Variants in BMERB1 observed in about 807,000 individuals in gnomAD.
BMERB1 encodes the protein bMERB domain containing 1, also known as bMERB domain-containing protein 1.
Under a neutral mutation model 23.6 loss-of-function variants are expected in BMERB1, and 12 were observed. That is an observed-to-expected ratio of 0.51 (90% CI 0.33 to 0.82). BMERB1 has a LOEUF of 0.82. Ranked by LOEUF, BMERB1 falls within the 40% of genes least tolerant of loss-of-function variation. The pLI is 0.03. For missense variants in BMERB1, 247 were observed against 255.4 expected (o/e 0.97, Z 0.22); for synonymous variants, 122 against 96.6 (o/e 1.26, Z -1.54).
intron 2 of BMERB1, among the ~76,000 whole-genome samples, chr16:15,552,475 T>C: frequency 6.6e-6 from 1 of 151,810 alleles, no homozygotes; most frequent in Non-Finnish European, 1.5e-5. Context: ...AGAAATGAAC[T>C]CACAACACTT....
At chr16:15,517,772 G>GTGTGGA (rs1376551250) in intron 2 of BMERB1, among the ~76,000 whole-genome samples, 2 of 148,638 alleles carry the variant, frequency 1.3e-5, no homozygotes, top group Admixed American at 6.6e-5. Flanking sequence ...GTGTGGATGT[G>GTGTGGA]TGTGGATGTG....
rs2030612592 is a variant in BMERB1 at position 15,567,674 on chromosome 16, A to G, written c.231-309A>G. On this transcript the variant is annotated intron_variant, in intron 2 of 5. Transcript: ENST00000300006. ...GTTACTTGGGAGGCTGAGGCAGGAGAATCGCTTGAACCCGGAAGGTGGAGG... is the reference window on the plus strand; with the variant it reads ...GTTACTTGGGAGGCTGAGGCAGGAGGATCGCTTGAACCCGGAAGGTGGAGG... Among the ~76,000 whole-genome samples, 4 of 152,114 alleles carry G rather than the reference A, an allele frequency of 2.6e-5. 1 individual carries two copies. Among genetic ancestry groups the G allele is most frequent in the Admixed American group, 2.6e-4 (4 of 15,272 alleles).
At chr16:15,516,896 A>C (rs1012805570) in intron 2 of BMERB1, among the ~76,000 whole-genome samples, 4 of 152,178 alleles carry the variant, frequency 2.6e-5, no homozygotes, top group Admixed American at 1.3e-4. Flanking sequence ...TCCAGGGTGG[A>C]ATGCAGTGAG....
At chr16:15,477,195 A>C (rs2051281712) in intron 1 of BMERB1, among the ~76,000 whole-genome samples, 1 of 152,062 alleles carries the variant, frequency 6.6e-6, no homozygotes, top group African/African-American at 2.4e-5. Context: ...GAAACTTAGA[A>C]TTGTGTGTGG....
chr16:15,463,552 C>T (rs953484412), intron 1 of BMERB1, among the ~76,000 whole-genome samples: 1 of 152,176 alleles, frequency 6.6e-6, no homozygotes, highest in African/African-American at 2.4e-5. Flanking sequence ...CCTTCCCTTG[C>T]CTCGTCGTTT....
chr16:15,468,135 C>CTTTTTTTTTTTTTTTTTTTTTTTTTTT (rs749534588), intron 1 of BMERB1, among the ~76,000 whole-genome samples: 1 of 31,018 alleles, frequency 3.2e-5, no homozygotes, highest in African/African-American at 8.6e-5. Context: ...CTTTCTTCTT[C>CTTTTTTTTTTTTTTTTTTTTTTTTTTT]TTTTTTTTTT....
At chr16:15,532,909 C>A in intron 2 of BMERB1, 1 of 434,806 alleles carries the variant, frequency 2.3e-6, no homozygotes, top group Non-Finnish European at 4.6e-6. Flanking sequence ...GATAAATAGA[C>A]CTCGTGCCTG....
At chr16:15,463,383 A>G (rs771437181) in intron 1 of BMERB1, among the ~76,000 whole-genome samples, 44 of 152,094 alleles carry the variant, frequency 2.9e-4, no homozygotes, top group Non-Finnish European at 5.0e-4. Flanking sequence ...CATAAGCTAC[A>G]TCACCTGGCC....
At chr16:15,553,750 G>T (rs2030161835) in intron 2 of BMERB1, among the ~76,000 whole-genome samples, 1 of 152,178 alleles carries the variant, frequency 6.6e-6, no homozygotes, top group Non-Finnish European at 1.5e-5. Flanking sequence ...GATTTTGACT[G>T]TGGGCTATAG....
chr16:15,584,114 T>G, intron 5 of BMERB1: 1 of 699,718 alleles, frequency 1.4e-6, no homozygotes, highest in Non-Finnish European at 2.6e-6. Flanking sequence ...AAATGCTGTT[T>G]ACTTGACCCT....
intron 2 of BMERB1, among the ~76,000 whole-genome samples, chr16:15,540,715 AC>A (rs1435425283): frequency 6.6e-6 from 1 of 152,178 alleles, no homozygotes; most frequent in East Asian, 1.9e-4. Flanking sequence ...GAGGCAGCAC[AC>A]GTAGCAGTTA....
intron 1 of BMERB1, among the ~76,000 whole-genome samples, chr16:15,493,249 G>A (rs1418415186): frequency 6.6e-6 from 1 of 152,036 alleles, no homozygotes; most frequent in Non-Finnish European, 1.5e-5. Flanking sequence ...CTACTCGGGA[G>A]GCTGAGGCAG....
At chr16:15,558,664 C>G (rs1179503770) in intron 2 of BMERB1, among the ~76,000 whole-genome samples, 1 of 151,866 alleles carries the variant, frequency 6.6e-6, no homozygotes, top group Admixed American at 6.6e-5. Flanking sequence ...TGACATATGA[C>G]ATATATGTAC....
At chr16:15,444,129 T>TTTTTTTTG (rs1567447908) in intron 1 of BMERB1, among the ~76,000 whole-genome samples, 2 of 106,452 alleles carry the variant, frequency 1.9e-5, no homozygotes, top group Admixed American at 9.4e-5. Flanking sequence ...CTTTGTTTTT[T>TTTTTTTTG]TTTTTTTTTT....
intron 1 of BMERB1, among the ~76,000 whole-genome samples, chr16:15,480,677 G>A (rs868775618): frequency 7.9e-6 from 1 of 126,018 alleles, no homozygotes; most frequent in Non-Finnish European, 1.6e-5. Context: ...GCAGTGGCAC[G>A]ATCTCGGCTC....
intron 3 of BMERB1, among the ~76,000 whole-genome samples, chr16:15,569,228 G>A (rs1339199090): frequency 1.3e-5 from 2 of 151,996 alleles, no homozygotes; most frequent in Non-Finnish European, 2.9e-5. Context: ...AAAAAAGAAA[G>A]AGAGAACTGA....
At chr16:15,528,617 A>C (rs1262605040) in intron 2 of BMERB1, among the ~76,000 whole-genome samples, 34 of 130,966 alleles carry the variant, frequency 2.6e-4, no homozygotes, top group Middle Eastern at 3.6e-3. Flanking sequence ...CCACCTCCCC[A>C]CCCCCCGATA....
In BMERB1 at chr16:15,580,825, G is replaced by A. The variant is rs193009146; in HGVS notation, c.305-392G>A. 5.3e-5 allele frequency among the ~76,000 whole-genome samples: 8 copies of A among 151,316 alleles called. No individual in the cohort carries two copies. In the South Asian group the frequency reaches 6.3e-4, roughly 12 times the overall value. On this transcript the variant is annotated intron_variant, in intron 3 of 5. Transcript: ENST00000300006. ...CTCCCAAAGTGCTGGGATTACAGGTGTGAGCCACCGCACCCGGCCAGCTCA... is the reference window on the plus strand; with the variant it reads ...CTCCCAAAGTGCTGGGATTACAGGTATGAGCCACCGCACCCGGCCAGCTCA...
At chr16:15,499,024 C>T (rs1382929643) in intron 1 of BMERB1, among the ~76,000 whole-genome samples, 1 of 152,256 alleles carries the variant, frequency 6.6e-6, no homozygotes, top group Non-Finnish European at 1.5e-5. Context: ...TCTCAGATTA[C>T]ACTTCCAGAG....
Sources: allele counts gnomAD v4.1 joint callset (sites outside exome capture counted in the v4.1 genomes callset), GRCh38; gene constraint gnomAD v4.1.1; transcripts MANE v1.5; gene names NCBI Gene and HGNC (gene_info 2026-07-23, HGNC 2026-07-21).